TBC1D1: variants seen among roughly 807,000 people sequenced by gnomAD.
TBC1D1 encodes TBC1 domain family member 1, also known as TBC1 (tre-2/USP6, BUB2, cdc16) domain family, member 1.
Under a neutral mutation model 125.6 loss-of-function variants are expected in TBC1D1, and 89 were observed. The observed-to-expected ratio is 0.71, with a 90% CI of 0.60 to 0.85. TBC1D1 has a LOEUF of 0.85. Ranked by LOEUF, TBC1D1 falls within the 40% of genes least tolerant of loss-of-function variation. The pLI, the probability that TBC1D1 is intolerant of heterozygous loss-of-function variation, is 0.00. For synonymous variants in TBC1D1, 565 were observed against 564.1 expected (o/e 1.00, Z -0.02); for missense variants, 1,377 against 1,469.2 (o/e 0.94, Z 1.03).
At chr4:38,029,628 A>G (rs373163768) in intron 7 of TBC1D1, among the ~76,000 whole-genome samples, 97 of 152,202 alleles carry the variant, frequency 6.4e-4, no homozygotes, top group African/African-American at 1.9e-3. Context: ...CAGCCTCCCA[A>G]AGTGCTGGGA....
intron 2 of TBC1D1, among the ~76,000 whole-genome samples, chr4:37,983,599 A>G (rs1364256861): frequency 6.6e-6 from 1 of 152,096 alleles, no homozygotes; most frequent in African/African-American, 2.4e-5. Context: ...CCCTGTCCCC[A>G]CTGAACTTCT....
chr4:37,902,393 C>A lies in TBC1D1; in HGVS notation c.298C>A (p.Arg100Ser). 6.2e-7 allele frequency: 1 copy of A among 1,614,150 alleles called. No homozygotes were observed. Reference sequence around the variant, plus strand: ...CAGCATCTTTGAGTGCAAGCCTCAGCGTGTTCACAAACTGATTCACAACAG... The same window carrying A: ...CAGCATCTTTGAGTGCAAGCCTCAGAGTGTTCACAAACTGATTCACAACAG... The change falls in exon 2 of 20, where the codon CGT becomes AGT. Residue 100 changes from arginine (R) to serine (S), a missense_variant. Arg to Ser is a moderately radical substitution (Grantham distance 110). This residue lies in a region of TBC1D1 where 822 missense variants were observed against 824.6 expected (regional missense o/e 1.00). Transcript: ENST00000261439.
chr4:38,089,741 T>G (rs1758112549), intron 12 of TBC1D1, among the ~76,000 whole-genome samples, 191 bp from the exon 15 acceptor site: 1 of 152,266 alleles, frequency 6.6e-6, no homozygotes, highest in East Asian at 1.9e-4. Context: ...GCTTACTATT[T>G]GACATATCAT....
intron 2 of TBC1D1, chr4:37,960,987 CAT>C (rs200376306): frequency 0.011 from 17,993 of 1,614,202 alleles, 162 homozygotes; most frequent in Middle Eastern, 0.05. Flanking sequence ...CTCCTTCAAG[CAT>C]TCTGTCGACC....
intron 2 of TBC1D1, among the ~76,000 whole-genome samples, chr4:38,004,864 GGATA>G (rs1167232123): frequency 6.6e-6 from 1 of 152,196 alleles, no homozygotes; most frequent in African/African-American, 2.4e-5. Flanking sequence ...TGTTCAAAAA[GGATA>G]GATTATTGAA....
chr4:38,113,310 T>G (rs79416148), intron 15 of TBC1D1, among the ~76,000 whole-genome samples: 15,254 of 152,070 alleles, frequency 0.1, 1,165 homozygotes, highest in East Asian at 0.37. Flanking sequence ...CACTCTTGAG[T>G]GGCCAATTAG....
intron 13 of TBC1D1, 27 bp downstream of exon 15, chr4:38,090,144 A>G (rs776098599): frequency 5.6e-6 from 9 of 1,607,324 alleles, no homozygotes; most frequent in South Asian, 1.1e-5. Context: ...GATATTGAAC[A>G]GGCCTGGTCT....
chr4:38,015,711 G>A (rs1057302528), intron 3 of TBC1D1, among the ~76,000 whole-genome samples: 5 of 152,182 alleles, frequency 3.3e-5, no homozygotes, highest in African/African-American at 7.2e-5. Context: ...TTGGCTTAAT[G>A]CTGACTGACG....
intron 1 of TBC1D1, among the ~76,000 whole-genome samples, chr4:37,898,584 CA>C (rs1040605086): frequency 9.8e-5 from 15 of 152,348 alleles, no homozygotes; most frequent in African/African-American, 3.1e-4. Context: ...TCCCTAAACT[CA>C]GCTGCCTTTC....
intron 12 of TBC1D1, chr4:38,060,597 T>G: frequency 7.8e-7 from 1 of 1,288,298 alleles, no homozygotes. Context: ...TACGTCTGTG[T>G]GACAGCCTTC....
At chr4:38,088,272 G>A (rs1578638731) in intron 12 of TBC1D1, among the ~76,000 whole-genome samples, 1 of 152,176 alleles carries the variant, frequency 6.6e-6, no homozygotes, top group East Asian at 1.9e-4. Flanking sequence ...TAAGTATACA[G>A]GGTTTGGGGG....
intron 10 of TBC1D1, among the ~76,000 whole-genome samples, chr4:38,048,830 C>T (rs1156534768): frequency 6.6e-6 from 1 of 152,136 alleles, no homozygotes; most frequent in Admixed American, 6.5e-5. Context: ...TAGTTCATTC[C>T]TTTGAAAAAG....
intron 15 of TBC1D1, among the ~76,000 whole-genome samples, chr4:38,108,200 G>A (rs975544366): frequency 6.6e-6 from 1 of 152,126 alleles, no homozygotes; most frequent in African/African-American, 2.4e-5. Flanking sequence ...CCACGCTGGG[G>A]GCTGCCAGTG....
At chr4:37,912,906 C>T (rs547120359) in intron 2 of TBC1D1, among the ~76,000 whole-genome samples, 8 of 152,082 alleles carry the variant, frequency 5.3e-5, no homozygotes, top group East Asian at 3.9e-4. Flanking sequence ...CACAAACAGA[C>T]GAAGACAGTT....
At chr4:37,952,247 A>G (rs1184622631) in intron 2 of TBC1D1, 1 of 573,154 alleles carries the variant, frequency 1.7e-6, no homozygotes, top group East Asian at 2.9e-5. Context: ...TGCGGAAATC[A>G]CAGGCTAGAT....
intron 10 of TBC1D1, among the ~76,000 whole-genome samples, chr4:38,047,502 A>G (rs1230760674): frequency 1.3e-5 from 2 of 152,162 alleles, no homozygotes; most frequent in African/African-American, 4.8e-5. Flanking sequence ...GCCTCCATCT[A>G]ATACACACTG....
chr4:38,102,882 A>G, intron 14 of TBC1D1, 117 bp from the exon 17 acceptor site: 1 of 562,736 alleles, frequency 1.8e-6, no homozygotes, highest in Non-Finnish European at 2.5e-6. Context: ...CTCTGTCTCA[A>G]AAAAAAAAAA....
intron 11 of TBC1D1, chr4:38,051,951 G>A (rs1375259991): frequency 6.4e-7 from 1 of 1,550,672 alleles, no homozygotes. Context: ...TCAGTCTTCA[G>A]CTCCTGCTCC....
intron 2 of TBC1D1, among the ~76,000 whole-genome samples, chr4:37,989,438 C>A (rs566721743): frequency 6.6e-6 from 1 of 152,328 alleles, no homozygotes; most frequent in South Asian, 2.1e-4. Flanking sequence ...TCTTATGTCT[C>A]CCTAAAATGT....
Sources: allele counts gnomAD v4.1 joint callset (sites outside exome capture counted in the v4.1 genomes callset), GRCh38; gene constraint gnomAD v4.1.1; regional missense constraint gnomAD v4.1.1; transcripts MANE v1.5; gene names NCBI Gene and HGNC (gene_info 2026-07-23, HGNC 2026-07-21).